Variants in PDGFRA observed in about 807,000 individuals in gnomAD.
PDGFRA encodes the protein platelet derived growth factor receptor alpha.
In PDGFRA, 25 loss-of-function variants were observed where a neutral mutation model predicts 121.5. The observed-to-expected ratio is 0.21, with a 90% CI of 0.15 to 0.29. The LOEUF is 0.29. Ranked by LOEUF, PDGFRA falls within the 10% of genes least tolerant of loss-of-function variation. The probability of loss-of-function intolerance (pLI) is 1.00; values close to 1 mark genes in which losing one functional copy is unlikely to be tolerated. For synonymous variants in PDGFRA, 463 were observed against 494.8 expected (o/e 0.94, Z 0.85); for missense variants, 1,008 against 1,345.1 (o/e 0.75, Z 3.92).
In PDGFRA at chr4:54,285,877, C is replaced by T. The variant is rs1724330832; in HGVS notation, c.2476C>T (p.Leu826=). ...TGATCTGGCTGCTCGCAACGTCCTCCTGGCACAAGGAAAAATTGTGAAGAT... is the reference window on the plus strand; with the variant it reads ...TGATCTGGCTGCTCGCAACGTCCTCTTGGCACAAGGAAAAATTGTGAAGAT... ...HRDLAARNVL[L]AQGKIVKICD... is the part of the protein sequence containing the mutation. The change falls in exon 18 of 23, where the codon CTG becomes TTG. Residue 826 remains leucine, a synonymous_variant. Coordinates refer to ENST00000257290, the MANE Select transcript of PDGFRA (RefSeq NM_006206.6). 6.2e-7 allele frequency: 1 copy of T among 1,614,070 alleles called. No individual in the cohort carries two copies. Among genetic ancestry groups the T allele is most frequent in the East Asian group, 2.2e-5 (1 of 44,878 alleles).
At chr4:54,242,775 T>C (rs1436989178) in intron 1 of PDGFRA, among the ~76,000 whole-genome samples, 2 of 152,126 alleles carry the variant, frequency 1.3e-5, no homozygotes, top group Non-Finnish European at 2.9e-5. Context: ...TGGGACTCCT[T>C]GGGAGGAAAC....
chr4:54,278,537 G>C (rs1481979832), intron 15 of PDGFRA, 22 bp downstream of exon 15: 1 of 1,610,374 alleles, frequency 6.2e-7, no homozygotes, highest in South Asian at 1.1e-5. Context: ...GAGAGATGTT[G>C]CTGTCTATCA....
intron 5 of PDGFRA, chr4:54,265,356 A>G: frequency 1.4e-5 from 5 of 351,180 alleles, no homozygotes; most frequent in South Asian, 1.3e-4. Context: ...CCAAAAAATT[A>G]GAAGAGCAAA....
At chr4:54,250,668 C>A (rs1722007333) in intron 1 of PDGFRA, among the ~76,000 whole-genome samples, 1 of 152,124 alleles carries the variant, frequency 6.6e-6, no homozygotes, top group Non-Finnish European at 1.5e-5. Flanking sequence ...CTTTTGTCAC[C>A]CACAGACAAT....
At chr4:54,294,594 C>T (rs983336488) in intron 22 of PDGFRA, among the ~76,000 whole-genome samples, 1 of 151,940 alleles carries the variant, frequency 6.6e-6, no homozygotes, top group Non-Finnish European at 1.5e-5. Context: ...AGCCACTTCT[C>T]TAGTACGTAA....
At chr4:54,258,383 G>GC (rs1722489114) in intron 1 of PDGFRA, among the ~76,000 whole-genome samples, 1 of 152,162 alleles carries the variant, frequency 6.6e-6, no homozygotes, top group Non-Finnish European at 1.5e-5. Context: ...TCTAAAAGTT[G>GC]TAGAGAGTGT....
intron 7 of PDGFRA, among the ~76,000 whole-genome samples, chr4:54,269,850 C>T (rs1053522420): frequency 2.0e-5 from 3 of 151,066 alleles, no homozygotes; most frequent in Non-Finnish European, 2.9e-5. Flanking sequence ...GGGGGTTTCA[C>T]CATGTTTGTG....
intron 21 of PDGFRA, 139 bp from the exon 22 acceptor site, chr4:54,290,174 C>T (rs1724552138): frequency 1.4e-6 from 1 of 724,062 alleles, no homozygotes; most frequent in Non-Finnish European, 2.4e-6. Flanking sequence ...TGACATGACT[C>T]TCCTTCAACT....
At chr4:54,231,395 G>A (rs1387097339) in intron 1 of PDGFRA, among the ~76,000 whole-genome samples, 1 of 152,212 alleles carries the variant, frequency 6.6e-6, no homozygotes, top group Admixed American at 6.5e-5. Flanking sequence ...GGAGCAGGGA[G>A]CATCCAGGGC....
At position 54,285,502 on chromosome 4, in the gene PDGFRA, A is replaced by T. The variant is rs1724307597; in HGVS notation, c.2439+16A>T. On this transcript the variant is annotated intron_variant, in intron 17 of 22. Coordinates refer to ENST00000257290, the MANE Select transcript of PDGFRA (RefSeq NM_006206.6). ...TTCAAAAAATGTAAGTTCAAGGAACACAGACCTTTTTAGACCCAGATTTCA... is the reference window on the plus strand; with the variant it reads ...TTCAAAAAATGTAAGTTCAAGGAACTCAGACCTTTTTAGACCCAGATTTCA... 8.9e-7 allele frequency: 1 copy of T among 1,119,196 alleles called. No homozygotes were observed. Among genetic ancestry groups the T allele is most frequent in the Non-Finnish European group, 1.4e-6 (1 of 727,868 alleles). 69.3% of individuals were successfully genotyped at this position (1,119,196 alleles called of 1,614,324 possible). A position where few individuals can be genotyped will look rare whatever the true frequency, so the allele number is the denominator to read the frequency against.
At chr4:54,280,201 C>T (rs2110322325) in intron 15 of PDGFRA, 115 bp from the exon 16 acceptor site, 2 of 765,206 alleles carry the variant, frequency 2.6e-6, no homozygotes, top group East Asian at 2.7e-5. Context: ...TTTGCTTTTA[C>T]CCAGTTAGCT....
chr4:54,294,326 T>C (rs1484378228), intron 22 of PDGFRA, among the ~76,000 whole-genome samples: 2 of 152,134 alleles, frequency 1.3e-5, no homozygotes, highest in Non-Finnish European at 2.9e-5. Context: ...TTGTGGGCTC[T>C]GAATAATATT....
chr4:54,270,889 A>G (rs1723314133), intron 8 of PDGFRA, 141 bp downstream of exon 8: 1 of 688,966 alleles, frequency 1.5e-6, no homozygotes. Context: ...CATATCGGGA[A>G]TACCTCTGCT....
At chr4:54,275,124 C>A in intron 12 of PDGFRA, 151 bp downstream of exon 12, 2 of 813,236 alleles carry the variant, frequency 2.5e-6, no homozygotes, top group Non-Finnish European at 4.1e-6. Flanking sequence ...TCTGTCTTGA[C>A]AGTAAGTTAA....
At chr4:54,244,125 T>A (rs553263005) in intron 1 of PDGFRA, among the ~76,000 whole-genome samples, 9 of 152,192 alleles carry the variant, frequency 5.9e-5, no homozygotes, top group African/African-American at 1.4e-4. Flanking sequence ...GTAGGCTCCA[T>A]CTCTGGGGGT....
chr4:54,266,790 G>A (rs1723052459), intron 5 of PDGFRA, among the ~76,000 whole-genome samples: 1 of 152,078 alleles, frequency 6.6e-6, no homozygotes, highest in Non-Finnish European at 1.5e-5. Flanking sequence ...AGATCAGCCT[G>A]GGCAATGTAT....
At chr4:54,244,984 T>C (rs1403997310) in intron 1 of PDGFRA, among the ~76,000 whole-genome samples, 3 of 151,766 alleles carry the variant, frequency 2.0e-5, no homozygotes, top group African/African-American at 4.8e-5. Context: ...GAAGATGAAA[T>C]GAATGAAATG....
At chr4:54,262,923 G>A (rs1042687067) in intron 3 of PDGFRA, among the ~76,000 whole-genome samples, 1 of 152,128 alleles carries the variant, frequency 6.6e-6, no homozygotes, top group Non-Finnish European at 1.5e-5. Flanking sequence ...CCCCTGCATC[G>A]CTGTCTGACT....
intron 19 of PDGFRA, 51 bp from the exon 20 acceptor site, chr4:54,288,748 G>A (rs4383670): frequency 3.1e-5 from 30 of 977,230 alleles, no homozygotes; most frequent in Non-Finnish European, 4.7e-5. Context: ...AAGTGTTTCA[G>A]CAATGCACTG....
Sources: allele counts gnomAD v4.1 joint callset (sites outside exome capture counted in the v4.1 genomes callset), GRCh38; gene constraint gnomAD v4.1.1; transcripts MANE v1.5; gene names NCBI Gene and HGNC (gene_info 2026-07-23, HGNC 2026-07-21).